MNAT1: variants seen among roughly 807,000 people sequenced by gnomAD.
MNAT1 encodes MNAT1 component of CDK activating kinase, also known as CDK-activating kinase assembly factor MAT1.
MNAT1 carries 43 observed loss-of-function variants against 42.0 expected under a neutral mutation model. The ratio of observed to expected loss-of-function variants is 1.02; its 90% CI spans 0.80 to 1.32. MNAT1 has a LOEUF of 1.32. Ranked by LOEUF, MNAT1 falls within the 40% of genes most tolerant of loss-of-function variation. The pLI, the probability that MNAT1 is intolerant of heterozygous loss-of-function variation, is 0.00. For synonymous variants in MNAT1, 118 were observed against 120.0 expected, an observed-to-expected ratio of 0.98 and a Z score of 0.11; for missense variants, 306 against 350.4, an observed-to-expected ratio of 0.87 and a Z score of 1.01.
At chr14:60,889,640 A>G (rs1266180716) in intron 7 of MNAT1, among the ~76,000 whole-genome samples, 1 of 152,220 alleles carries the variant, frequency 6.6e-6, no homozygotes, top group Non-Finnish European at 1.5e-5. Context: ...ACAGCAAAAG[A>G]AACTACCATC....
chr14:60,966,757 G>A (rs983978729), intron 7 of MNAT1, among the ~76,000 whole-genome samples: 15 of 152,094 alleles, frequency 9.9e-5, no homozygotes, highest in Non-Finnish European at 1.6e-4. Flanking sequence ...CAGATGATCC[G>A]CCCACCTTGG....
chr14:60,750,327 C>T (rs1276066261), intron 1 of MNAT1, among the ~76,000 whole-genome samples: 29 of 151,414 alleles, frequency 1.9e-4, no homozygotes, highest in Admixed American at 1.7e-3. Flanking sequence ...CCTGGGTTCA[C>T]GGCATTCTCC....
intron 7 of MNAT1, among the ~76,000 whole-genome samples, chr14:60,934,323 T>C (rs929759177): frequency 6.6e-6 from 1 of 152,198 alleles, no homozygotes. Flanking sequence ...TTCCTGGCCC[T>C]ATTTTGTCTG....
chr14:60,922,367 G>C (rs1594876531), intron 7 of MNAT1, among the ~76,000 whole-genome samples: 1 of 152,096 alleles, frequency 6.6e-6, no homozygotes, highest in Non-Finnish European at 1.5e-5. Flanking sequence ...TTTTAAAAAA[G>C]AATTGGGATA....
At chr14:60,819,365 G>T (rs1474219841) in intron 6 of MNAT1, among the ~76,000 whole-genome samples, 1 of 150,162 alleles carries the variant, frequency 6.7e-6, no homozygotes, top group African/African-American at 2.4e-5. Context: ...ATAAGCCAAT[G>T]ATGTTTTTGT....
intron 7 of MNAT1, among the ~76,000 whole-genome samples, chr14:60,957,386 C>T (rs144805400): frequency 5.9e-5 from 9 of 152,166 alleles, no homozygotes; most frequent in Non-Finnish European, 1.2e-4. Flanking sequence ...TGGCTGAAGG[C>T]GAATGAGGAG....
chr14:60,877,080 A>G (rs982474787), intron 6 of MNAT1, among the ~76,000 whole-genome samples: 1 of 152,056 alleles, frequency 6.6e-6, no homozygotes, highest in Non-Finnish European at 1.5e-5. Flanking sequence ...GTTTCTCTAT[A>G]TCTTCACAAA....
chr14:60,910,186 G>C (rs911801894), intron 7 of MNAT1, among the ~76,000 whole-genome samples: 4 of 152,286 alleles, frequency 2.6e-5, no homozygotes, highest in South Asian at 4.1e-4. Flanking sequence ...TATCCTGAGA[G>C]TTTGCTGAAG....
intron 3 of MNAT1, 126 bp from the exon 4 acceptor site, chr14:60,808,199 G>T (rs2032437358): frequency 5.4e-6 from 3 of 555,918 alleles, no homozygotes; most frequent in African/African-American, 2.0e-5. Context: ...CTGATTAAAA[G>T]GTCACAAATA....
chr14:60,933,540 G>C (rs1207136909), intron 7 of MNAT1, among the ~76,000 whole-genome samples: 1 of 152,040 alleles, frequency 6.6e-6, no homozygotes, highest in Non-Finnish European at 1.5e-5. Context: ...AAAATGTAAA[G>C]AAAATAAGGG....
intron 7 of MNAT1, among the ~76,000 whole-genome samples, chr14:60,964,809 C>A (rs1315410599): frequency 6.6e-6 from 1 of 152,178 alleles, no homozygotes; most frequent in Non-Finnish European, 1.5e-5. Flanking sequence ...AATAAAAACA[C>A]AGATGTGGAT....
At position 60,929,170 on chromosome 14, in the gene MNAT1, A is replaced by AAAATATAT. The variant is rs1555336771; in HGVS notation, c.810-39058_810-39057insAATATATA. On this transcript the variant is annotated intron_variant, in intron 7 of 7. Coordinates refer to ENST00000261245, the MANE Select transcript of MNAT1 (RefSeq NM_002431.4). ...TCCCAAAAAAAAAAAAAAAAAAAAAAATATATATATATATATATATATATG... is the reference window on the plus strand; with the variant it reads ...TCCCAAAAAAAAAAAAAAAAAAAAAAAAATATATATATATATATATATATATATATATG... Among the ~76,000 whole-genome samples the AAAATATAT allele has an allele frequency of 8.4e-5, 4 of 47,458 alleles. No homozygotes were observed. In the South Asian group the frequency reaches 2.6e-3, roughly 30 times the overall value. 31.1% of individuals were successfully genotyped at this position (47,458 alleles called of 152,430 possible).
chr14:60,962,251 C>T (rs1194710653), intron 7 of MNAT1, among the ~76,000 whole-genome samples: 1 of 152,120 alleles, frequency 6.6e-6, no homozygotes, highest in Non-Finnish European at 1.5e-5. Context: ...GTATTAATCT[C>T]TTGTGGAAAT....
At chr14:60,934,630 G>A (rs1381889379) in intron 7 of MNAT1, among the ~76,000 whole-genome samples, 1 of 152,108 alleles carries the variant, frequency 6.6e-6, no homozygotes, top group Non-Finnish European at 1.5e-5. Flanking sequence ...TACCATGATT[G>A]TGAGGCCTCC....
intron 7 of MNAT1, among the ~76,000 whole-genome samples, chr14:60,881,063 C>T (rs1314375089): frequency 1.3e-5 from 2 of 152,142 alleles, no homozygotes; most frequent in Non-Finnish European, 2.9e-5. Context: ...GTGAAGTTCA[C>T]GTGTTTAAAA....
chr14:60,820,702 A>G (rs938681681), intron 6 of MNAT1, among the ~76,000 whole-genome samples: 1 of 152,148 alleles, frequency 6.6e-6, no homozygotes, highest in Non-Finnish European at 1.5e-5. Context: ...TCACAGTAAC[A>G]TTCCACCTGG....
At chr14:60,795,743 T>C (rs998737366) in intron 1 of MNAT1, among the ~76,000 whole-genome samples, 1 of 152,188 alleles carries the variant, frequency 6.6e-6, no homozygotes, top group Admixed American at 6.5e-5. Flanking sequence ...ATTTGCTCAG[T>C]TGATTACTGA....
intron 7 of MNAT1, among the ~76,000 whole-genome samples, chr14:60,916,370 T>C (rs1380556658): frequency 6.6e-6 from 1 of 152,192 alleles, no homozygotes; most frequent in Admixed American, 6.5e-5. Flanking sequence ...AATGTAAGCA[T>C]TGGGCCAGGT....
At chr14:60,911,442 C>G (rs1177248149) in intron 7 of MNAT1, among the ~76,000 whole-genome samples, 2 of 152,104 alleles carry the variant, frequency 1.3e-5, no homozygotes, top group African/African-American at 4.8e-5. Flanking sequence ...ATCTTTCCTC[C>G]TTTCTCTTGT....
Sources: allele counts gnomAD v4.1 joint callset (sites outside exome capture counted in the v4.1 genomes callset), GRCh38; gene constraint gnomAD v4.1.1; transcripts MANE v1.5; gene names NCBI Gene and HGNC (gene_info 2026-07-23, HGNC 2026-07-21).